Variants in MICAL3 observed in about 807,000 individuals in gnomAD.
MICAL3 encodes [F-actin]-monooxygenase MICAL3.
Under a neutral mutation model 207.4 loss-of-function variants are expected in MICAL3, and 62 were observed. That is an observed-to-expected ratio of 0.30 (90% CI 0.24 to 0.37). MICAL3 has a LOEUF of 0.37. Among genes scored for constraint, MICAL3 ranks in the 10% least tolerant of loss-of-function variants. MICAL3 has a pLI of 1.00. For synonymous variants in MICAL3, 1,077 were observed against 1,069.3 expected, an observed-to-expected ratio of 1.01 and a Z score of -0.14; for missense variants, 2,368 against 2,635.6, an observed-to-expected ratio of 0.90 and a Z score of 2.22.
chr22:18,022,495 C>A (rs534130188), intron 1 of MICAL3, among the ~76,000 whole-genome samples: 1 of 151,414 alleles, frequency 6.6e-6, no homozygotes, highest in Non-Finnish European at 1.5e-5. Context: ...GTGGTGTGAT[C>A]TTGGCTCACT....
rs1309997356 is a variant in MICAL3, at chr22:17,821,453, T to A, written c.3505A>T (p.Ile1169Phe). The change falls in exon 25 of 32, where the codon ATT (isoleucine) becomes TTT (phenylalanine). Residue 1169 changes from isoleucine to phenylalanine, a missense_variant. Physicochemically the swap from Ile to Phe is conservative, Grantham distance 21. Transcript: ENST00000441493. ...RSPQESALLFIPVHSPSTEGP... is the reference protein window; with the variant it reads ...RSPQESALLFFPVHSPSTEGP... Reference sequence around the variant, plus strand: ...TCTGTTGAGGGGCTGTGGACTGGAATGAACAGAAGAGCTGATTCCTGGGGA... The same window carrying A: ...TCTGTTGAGGGGCTGTGGACTGGAAAGAACAGAAGAGCTGATTCCTGGGGA... 5 of 1,544,856 alleles carry A rather than the reference T, an allele frequency of 3.2e-6. No individual in the cohort carries two copies. The highest frequency in any genetic ancestry group is 4.4e-6 in the Non-Finnish European group (5 of 1,145,306).
intron 16 of MICAL3, among the ~76,000 whole-genome samples, chr22:17,882,167 G>A (rs1197972066): frequency 6.6e-6 from 1 of 152,186 alleles, no homozygotes; most frequent in Non-Finnish European, 1.5e-5. Flanking sequence ...CTTGCCTTTG[G>A]GATGTGTTTC....
rs1369290327 is a variant in MICAL3 at position 17,976,571 on chromosome 22, A to ATATT, written c.-75+47709_-75+47710insAATA. On this transcript the variant is annotated intron_variant, in intron 1 of 31. Transcript: ENST00000441493. ...TGTGTGTGTGTGTGTGTATATATAT[A>ATATT]TATATATATATATATATATTTTTTT... is the stretch of plus-strand genomic sequence containing the variant. 2.4e-4 allele frequency among the ~76,000 whole-genome samples: 16 copies of ATATT among 67,958 alleles called. 1 individual carries two copies. Among genetic ancestry groups the ATATT allele is most frequent in the African/African-American group, 9.5e-4 (16 of 16,772 alleles). The allele number at this position is 67,958 out of a possible 152,430, so 44.6% of individuals were successfully genotyped here.
In MICAL3 at chr22:17,891,546, T is replaced by C. The variant is rs1930394125; in HGVS notation, c.1633A>G (p.Met545Val). 1.2e-6 allele frequency: 2 copies of C among 1,613,968 alleles called. No individual in the cohort carries two copies. Among genetic ancestry groups the C allele is most frequent in the Admixed American group, 1.7e-5 (1 of 60,030 alleles). ...YAGVNVTDLT[M>V]SWKSGLALCA... Reference sequence around the variant, plus strand: ...AGGGCCAAGCCACTTTTCCAGGACATGGTGAGATCTGTCACGTTTACCCCT... The same window carrying C: ...AGGGCCAAGCCACTTTTCCAGGACACGGTGAGATCTGTCACGTTTACCCCT... The change falls in exon 12 of 32, where the codon ATG becomes GTG. Residue 545 changes from methionine (M) to valine (V), a missense_variant. Physicochemically the swap from Met to Val is conservative, Grantham distance 21 (BLOSUM62 1). This residue lies in a region of MICAL3 where 51 missense variants were observed against 87.8 expected (regional missense o/e 0.58). Coordinates refer to ENST00000441493, the MANE Select transcript of MICAL3 (RefSeq NM_015241.3).
At chr22:17,807,231 G>A (rs1355397310) in intron 29 of MICAL3, among the ~76,000 whole-genome samples, 1 of 152,282 alleles carries the variant, frequency 6.6e-6, no homozygotes, top group Non-Finnish European at 1.5e-5. Flanking sequence ...ATGGCACGAG[G>A]GCAGGGCCCC....
At chr22:17,960,188 C>G (rs1459125959) in intron 1 of MICAL3, among the ~76,000 whole-genome samples, 1 of 152,240 alleles carries the variant, frequency 6.6e-6, no homozygotes, top group Admixed American at 6.5e-5. Context: ...CCTACAGTAG[C>G]TTCCGCATCT....
chr22:17,808,003 G>A (rs966142696), intron 29 of MICAL3, among the ~76,000 whole-genome samples: 3 of 152,276 alleles, frequency 2.0e-5, no homozygotes, highest in African/African-American at 2.4e-5. Flanking sequence ...GGATGTTTGA[G>A]AAGGCAGAGT....
At chr22:17,794,716 A>G (rs894626787) in intron 29 of MICAL3, among the ~76,000 whole-genome samples, 2 of 152,220 alleles carry the variant, frequency 1.3e-5, no homozygotes, top group African/African-American at 4.8e-5. Flanking sequence ...GTGAGCTGAC[A>G]GGACACGCCA....
At chr22:17,869,781 A>G (rs1927525236) in intron 17 of MICAL3, among the ~76,000 whole-genome samples, 1 of 152,182 alleles carries the variant, frequency 6.6e-6, no homozygotes, top group Non-Finnish European at 1.5e-5. Context: ...AATTTGGACA[A>G]ACAACATACA....
intron 29 of MICAL3, among the ~76,000 whole-genome samples, chr22:17,806,202 T>G (rs1476496181): frequency 6.6e-6 from 1 of 152,178 alleles, no homozygotes; most frequent in Non-Finnish European, 1.5e-5. Flanking sequence ...TTTATTCATT[T>G]GTTTATTTAA....
chr22:18,013,341 C>G lies in MICAL3; in HGVS notation c.-75+10940G>C, dbSNP rs551271584. Among the ~76,000 whole-genome samples the G allele has an allele frequency of 2.6e-5, 4 of 152,280 alleles. No homozygotes were observed. In the South Asian group the frequency reaches 8.3e-4, roughly 32 times the overall value. On this transcript the variant is annotated intron_variant, in intron 1 of 31. Transcript: ENST00000441493. ...TTGCTGTTGTTTACAATCAGAAAGC[C>G]CTAGAGGTGTACTCTCTAATTCTCT... is the stretch of plus-strand genomic sequence containing the variant.
intron 1 of MICAL3, among the ~76,000 whole-genome samples, chr22:17,981,957 T>A (rs960742341): frequency 5.3e-5 from 8 of 151,766 alleles, no homozygotes; most frequent in Middle Eastern, 3.4e-3. Context: ...TTAACGAAAT[T>A]AGCAGGGAGT....
chr22:17,844,563 C>T (rs772232039), intron 19 of MICAL3, among the ~76,000 whole-genome samples: 1 of 152,178 alleles, frequency 6.6e-6, no homozygotes, highest in Non-Finnish European at 1.5e-5. Flanking sequence ...TTCGAATTCA[C>T]TAGAGAATCT....
chr22:17,986,079 G>C (rs925746668), intron 1 of MICAL3, among the ~76,000 whole-genome samples: 1 of 152,142 alleles, frequency 6.6e-6, no homozygotes, highest in African/African-American at 2.4e-5. Flanking sequence ...GCTAATTTTT[G>C]TATTTTTAGT....
intron 1 of MICAL3, among the ~76,000 whole-genome samples, chr22:17,937,573 G>A (rs756504361): frequency 6.6e-6 from 1 of 152,228 alleles, no homozygotes; most frequent in African/African-American, 2.4e-5. Flanking sequence ...TGAGGCAGAC[G>A]AATCGCTGGA....
intron 29 of MICAL3, among the ~76,000 whole-genome samples, chr22:17,804,055 C>T (rs1166690139): frequency 1.3e-5 from 2 of 152,164 alleles, no homozygotes; most frequent in Non-Finnish European, 2.9e-5. Context: ...CCACACATGC[C>T]GTATCTGCAT....
intron 1 of MICAL3, among the ~76,000 whole-genome samples, chr22:17,953,674 T>G (rs986652125): frequency 5.3e-5 from 8 of 152,120 alleles, no homozygotes; most frequent in African/African-American, 1.9e-4. Flanking sequence ...CTCACGCCTG[T>G]AATCCCAGCA....
intron 11 of MICAL3, 79 bp downstream of exon 11, chr22:17,893,729 C>T: frequency 9.3e-7 from 1 of 1,075,304 alleles, no homozygotes; most frequent in African/African-American, 1.6e-5. Flanking sequence ...CCTCGGACCG[C>T]ACCTTGTGGC....
chr22:17,838,471 AG>A (rs1923634304), intron 20 of MICAL3, among the ~76,000 whole-genome samples: 1 of 148,832 alleles, frequency 6.7e-6, no homozygotes, highest in Non-Finnish European at 1.5e-5. Flanking sequence ...GTACCAGGAG[AG>A]TAACAGGAGC....
Sources: allele counts gnomAD v4.1 joint callset (sites outside exome capture counted in the v4.1 genomes callset), GRCh38; gene constraint gnomAD v4.1.1; regional missense constraint gnomAD v4.1.1; transcripts MANE v1.5; gene names NCBI Gene and HGNC (gene_info 2026-07-23, HGNC 2026-07-21).